Variants in MOGAT3 observed in about 807,000 individuals in gnomAD.
MOGAT3 encodes the protein monoacylglycerol O-acyltransferase 3.
Under a neutral mutation model 34.4 loss-of-function variants are expected in MOGAT3, and 39 were observed. The ratio of observed to expected loss-of-function variants is 1.13; its 90% CI spans 0.88 to 1.48. The LOEUF is 1.48. MOGAT3 is among the 40% of genes most tolerant of loss of function. MOGAT3 has a pLI of 0.00. For synonymous variants in MOGAT3, 209 were observed against 179.2 expected (o/e 1.17, Z -1.33); for missense variants, 439 against 438.9 (o/e 1.00, Z 0.00).
chr7:101,200,511 A>G lies in MOGAT3; in HGVS notation c.114T>C (p.Pro38=), dbSNP rs1414249739. The G allele has an allele frequency of 3.1e-6, 5 of 1,588,704 alleles. No individual in the cohort carries two copies. Among genetic ancestry groups the G allele is most frequent in the Non-Finnish European group, 4.3e-6 (5 of 1,166,540 alleles). ...QYVLTFLFMG[P]FFSLLVFVLL... Reference sequence around the variant, plus strand: ...GGACAAAGACAAGAAGGGAGAAGAAAGGGCCTGGGGGAAGGGAGAGAAAGA... The same window carrying G: ...GGACAAAGACAAGAAGGGAGAAGAAGGGGCCTGGGGGAAGGGAGAGAAAGA... Residue 38 remains proline (P), a synonymous_variant, in exon 2 of 7, where the codon CCT becomes CCC. Transcript: ENST00000223114.
chr7:101,198,305 T>C lies in MOGAT3; in HGVS notation c.554A>G (p.Gln185Arg). ...ACCCCCCACCATGATGACCACGGCC[T>C]GCCCGAGCTGGGGCTGGGACAGGAT... ...DFILSQPQLGQAVVIMVGGAH... is the reference protein window; with the variant it reads ...DFILSQPQLGRAVVIMVGGAH... Residue 185 changes from glutamine (Q) to arginine (R), a missense_variant, in exon 5 of 7, where the codon CAG becomes CGG. Physicochemically the swap from Gln to Arg is conservative, Grantham distance 43. Transcript: ENST00000223114. The C allele has an allele frequency of 6.3e-7, 1 of 1,599,966 alleles. No homozygotes were observed.
In MOGAT3 at chr7:101,198,315, G is replaced by T; in HGVS notation, c.544C>A (p.Gln182Lys). The T allele has an allele frequency of 6.3e-7, 1 of 1,596,654 alleles. No homozygotes were observed. Among genetic ancestry groups the T allele is most frequent in the Non-Finnish European group, 8.5e-7 (1 of 1,170,348 alleles). ...ATGATGACCACGGCCTGCCCGAGCTGGGGCTGGGACAGGATGAAGTCCAGG... is the reference window on the plus strand; with the variant it reads ...ATGATGACCACGGCCTGCCCGAGCTTGGGCTGGGACAGGATGAAGTCCAGG... ...QSLDFILSQP[Q>K]LGQAVVIMVG... Residue 182 changes from glutamine to lysine, a missense_variant, in exon 5 of 7, where the codon CAG becomes AAG. Physicochemically the swap from Gln to Lys is moderately conservative, Grantham distance 53. Coordinates refer to ENST00000223114, the MANE Select transcript of MOGAT3 (RefSeq NM_178176.4).
chr7:101,198,274 G>A lies in MOGAT3; in HGVS notation c.585C>T (p.His195=), dbSNP rs143164243. 1,242 of 1,611,282 alleles carry A rather than the reference G, an allele frequency of 7.7e-4. 4 individuals are homozygous for A. In the African/African-American group the frequency reaches 0.015, roughly 19 times the overall value. The change falls in exon 5 of 7, where the codon CAC becomes CAT. Residue 195 remains histidine, a synonymous_variant. Transcript: ENST00000223114. ...CCCCGGGGACTGAATACAGGGCCTC[G>A]TGCGCACCCCCCACCATGATGACCA... The part of the protein sequence containing the change: ...QAVVIMVGGA[H]EALYSVPGEH...
intron 4 of MOGAT3, 85 bp from the exon 5 acceptor site, chr7:101,198,450 C>T (rs1797860060): frequency 1.4e-6 from 2 of 1,416,774 alleles, no homozygotes; most frequent in Admixed American, 2.5e-5. Flanking sequence ...TCCAAGCCCC[C>T]TACCCCCATC....
At chr7:101,200,122 G>T in intron 3 of MOGAT3, 112 bp downstream of exon 3, 2 of 862,260 alleles carry the variant, frequency 2.3e-6, no homozygotes, top group Non-Finnish European at 3.9e-6. Context: ...CTGTCCCACT[G>T]CCTGAGCTTA....
Position 101,198,056 on chromosome 7 carries a change from C to T in MOGAT3, c.668+135G>A, listed in dbSNP as rs757263240. On this transcript the variant is annotated intron_variant, in intron 5 of 6. Transcript: ENST00000223114. ...ACCGAGTCATGCCCTGGAGAGCCCA[C>T]GTGGGCCTCGGTGCAGGGCAGGGCG... 9.8e-6 allele frequency: 9 copies of T among 916,054 alleles called. No individual in the cohort carries two copies. In the African/African-American group the frequency reaches 1.0e-4, roughly 10 times the overall value. 56.7% of individuals were successfully genotyped at this position (916,054 alleles called of 1,614,324 possible).
chr7:101,193,095 A>AG (rs1797714910), downstream of MOGAT3, among the ~76,000 whole-genome samples: 1 of 105,212 alleles, frequency 9.5e-6, no homozygotes, highest in Non-Finnish European at 1.8e-5. Context: ...ATAAATAAAT[A>AG]AATAAAATAA....
At chr7:101,193,467 T>C (rs1797719369), downstream of MOGAT3, among the ~76,000 whole-genome samples, 1 of 152,232 alleles carries the variant, frequency 6.6e-6, no homozygotes, top group Non-Finnish European at 1.5e-5. Flanking sequence ...TCTTACTCTG[T>C]CGCCCAGGCT....
chr7:101,197,402 G>A (rs1272462909), intron 5 of MOGAT3, among the ~76,000 whole-genome samples: 1 of 151,912 alleles, frequency 6.6e-6, no homozygotes, highest in African/African-American at 2.4e-5. Context: ...TGCCCAGGCT[G>A]GTCTTGAACT....
At chr7:101,200,350 C>T (rs1227331888) in intron 2 of MOGAT3, 46 bp from the exon 3 acceptor site, 2 of 1,610,168 alleles carry the variant, frequency 1.2e-6, no homozygotes, top group Non-Finnish European at 1.7e-6. Flanking sequence ...GAGTCACCTC[C>T]CCTCACCCCC....
downstream of MOGAT3, among the ~76,000 whole-genome samples, chr7:101,194,189 C>A (rs1041196875): frequency 1.3e-5 from 2 of 151,400 alleles, no homozygotes; most frequent in Non-Finnish European, 2.9e-5. Context: ...TCATTTTTTT[C>A]ATTTTTTTTT....
chr7:101,196,030 G>A lies in MOGAT3; in HGVS notation c.942C>T (p.Leu314=). 1 of 1,614,194 alleles carries A rather than the reference G, an allele frequency of 6.2e-7. No individual in the cohort carries two copies. The highest frequency in any genetic ancestry group is 2.2e-5 in the East Asian group (1 of 44,876). The change falls in exon 7 of 7, where the codon CTC becomes CTT. Residue 314 remains leucine (L), a synonymous_variant. Transcript: ENST00000223114. ...AGAGCTGCTCCAGGGCCGTCATGTA[G>A]AGGGCGTGATAGTGATTGACTTCCT... is the stretch of plus-strand genomic sequence containing the variant. ...TEEEVNHYHA[L]YMTALEQLFE...
chr7:101,200,850 C>T lies in MOGAT3; in HGVS notation c.5G>A (p.Gly2Glu). 6.2e-7 allele frequency: 1 copy of T among 1,612,708 alleles called. No homozygotes were observed. Among genetic ancestry groups the T allele is most frequent in the Non-Finnish European group, 8.5e-7 (1 of 1,179,334 alleles). ...TGGGGGCTGCAGGGTTGTGGCAACT[C>T]CCATTGCAGAAGCTCCCCTCTTCCA... is the stretch of plus-strand genomic sequence containing the variant. Reference protein sequence around the residue: MGVATTLQPPTT... With the variant: MEVATTLQPPTT... The change falls in exon 1 of 7, where the codon GGA (glycine) becomes GAA (glutamate). Residue 2 changes from glycine (G) to glutamate (E), a missense_variant. Coordinates refer to ENST00000223114, the MANE Select transcript of MOGAT3 (RefSeq NM_178176.4).
intron 3 of MOGAT3, among the ~76,000 whole-genome samples, chr7:101,199,120 G>C (rs1431660237): frequency 6.7e-6 from 1 of 150,226 alleles, no homozygotes; most frequent in Non-Finnish European, 1.5e-5. Flanking sequence ...CTATCCTCCT[G>C]CCTCAGCCTC....
chr7:101,198,194 T>G lies in MOGAT3; in HGVS notation c.665A>C (p.His222Pro). 1 of 1,611,720 alleles carries G rather than the reference T, an allele frequency of 6.2e-7. No homozygotes were observed. Among genetic ancestry groups the G allele is most frequent in the Non-Finnish European group, 8.5e-7 (1 of 1,178,750 alleles). Residue 222 changes from histidine (H) to proline (P), a missense_variant, in exon 5 of 7, where the codon CAC becomes CCC. Coordinates refer to ENST00000223114, the MANE Select transcript of MOGAT3 (RefSeq NM_178176.4). ...TAGGGCCTGCACGCGCACTCACCCG[T>G]GCCTCAGCGCCAGGCGCACGAAGCC... is the stretch of plus-strand genomic sequence containing the variant. ...RKGFVRLALRHGASLVPVYSF... is the reference protein window; with the variant it reads ...RKGFVRLALRPGASLVPVYSF...
Position 101,200,526 on chromosome 7 carries a change from G to A in MOGAT3, c.110-11C>T, listed in dbSNP as rs1797929048. 1 of 1,562,796 alleles carries A rather than the reference G, an allele frequency of 6.4e-7. No homozygotes were observed. Among genetic ancestry groups the A allele is most frequent in the African/African-American group, 1.4e-5 (1 of 73,520 alleles). The stretch of plus-strand genomic sequence containing the variant: ...GGGAGAAGAAAGGGCCTGGGGGAAG[G>A]GAGAGAAAGAAAAGAGTTCACTTCT... On this transcript the variant is annotated splice_polypyrimidine_tract_variant and intron_variant, in intron 1 of 6. Transcript: ENST00000223114.
At chr7:101,198,582 T>A (rs3735337) in intron 4 of MOGAT3, 44 bp downstream of exon 4, 418,913 of 1,574,340 alleles carry the variant, frequency 0.27, 61,799 homozygotes, top group African/African-American at 0.6. Flanking sequence ...GGGGAACATC[T>A]GGTCAGGAGT....
At position 101,200,911 on chromosome 7, in the gene MOGAT3, G is replaced by C; in HGVS notation, c.-57C>G. 7.0e-7 allele frequency: 1 copy of C among 1,430,506 alleles called. No individual in the cohort carries two copies. The highest frequency in any genetic ancestry group is 9.7e-7 in the Non-Finnish European group (1 of 1,034,694). The allele number at this position is 1,430,506 out of a possible 1,614,324, so 88.6% of individuals were successfully genotyped here. ...AGAACCCGGAGGACAAACGATGAAGGCTTGGATGTGGACCTGGGCAGACTT... is the reference window on the plus strand; with the variant it reads ...AGAACCCGGAGGACAAACGATGAAGCCTTGGATGTGGACCTGGGCAGACTT... On this transcript the variant is annotated 5_prime_UTR_variant, in exon 1 of 7. Transcript: ENST00000223114.
chr7:101,198,922 A>G, intron 3 of MOGAT3, 92 bp from the exon 4 acceptor site: 1 of 1,203,026 alleles, frequency 8.3e-7, no homozygotes, highest in Non-Finnish European at 1.2e-6. Flanking sequence ...TCCGAGTTAA[A>G]GGTTCTTAGG....
Sources: gnomAD v4.1 joint callset for allele counts (sites outside exome capture counted in the v4.1 genomes callset) on GRCh38, gnomAD v4.1.1 for gene constraint, MANE v1.5 for transcripts, NCBI Gene and HGNC (gene_info 2026-07-23, HGNC 2026-07-21) for gene names.